ADCY5: variants seen among roughly 807,000 people sequenced by gnomAD.
The protein encoded by ADCY5 is adenylate cyclase 5.
Under a neutral mutation model 119.7 loss-of-function variants are expected in ADCY5, and 30 were observed. The ratio of observed to expected loss-of-function variants is 0.25; its 90% CI spans 0.19 to 0.34. The LOEUF is 0.34. Ranked by LOEUF, ADCY5 falls within the 10% of genes least tolerant of loss-of-function variation. The probability of loss-of-function intolerance (pLI) is 1.00; values close to 1 mark genes in which losing one functional copy is unlikely to be tolerated. For missense variants in ADCY5, 1,324 were observed against 1,775.2 expected, an observed-to-expected ratio of 0.75 and a Z score of 4.57; for synonymous variants, 753 against 762.2, an observed-to-expected ratio of 0.99 and a Z score of 0.20.
intron 12 of ADCY5, among the ~76,000 whole-genome samples, chr3:123,308,830 A>AAAAC (rs1940377690): frequency 3.5e-5 from 4 of 114,574 alleles, no homozygotes; most frequent in South Asian, 6.4e-4. Flanking sequence ...CTCTGTCTCA[A>AAAAC]AAACAAACAA....
At chr3:123,316,234 T>C (rs891545907) in intron 11 of ADCY5, among the ~76,000 whole-genome samples, 6 of 152,020 alleles carry the variant, frequency 3.9e-5, no homozygotes, top group South Asian at 2.1e-4. Context: ...CACACCCAAA[T>C]TGAAACTACA....
intron 1 of ADCY5, among the ~76,000 whole-genome samples, chr3:123,429,267 A>G (rs1420785556): frequency 6.6e-6 from 1 of 152,226 alleles, no homozygotes; most frequent in East Asian, 1.9e-4. Flanking sequence ...GCTCATTAGG[A>G]AAGTGCACAG....
chr3:123,296,254 G>A (rs753685469), intron 16 of ADCY5, 38 bp from the exon 17 acceptor site: 27 of 1,600,068 alleles, frequency 1.7e-5, no homozygotes, highest in Non-Finnish European at 2.3e-5. Context: ...GACGGCCGTG[G>A]CTCCTCACAG....
At chr3:123,376,460 C>G (rs1291668615) in intron 1 of ADCY5, among the ~76,000 whole-genome samples, 3 of 152,012 alleles carry the variant, frequency 2.0e-5, no homozygotes, top group Non-Finnish European at 4.4e-5. Flanking sequence ...CTGCCTGAGG[C>G]CCAGGGTGGT....
At chr3:123,429,153 T>G (rs1945468894) in intron 1 of ADCY5, among the ~76,000 whole-genome samples, 1 of 152,230 alleles carries the variant, frequency 6.6e-6, no homozygotes, top group African/African-American at 2.4e-5. Flanking sequence ...TGCCTATTAT[T>G]TTTAGGCTGG....
chr3:123,366,746 T>A (rs566914622), intron 1 of ADCY5, among the ~76,000 whole-genome samples: 1 of 152,290 alleles, frequency 6.6e-6, no homozygotes, highest in Admixed American at 6.5e-5. Flanking sequence ...GCCTGGGAAC[T>A]TAGGTGTGAG....
At chr3:123,369,708 A>G (rs764554453) in intron 1 of ADCY5, among the ~76,000 whole-genome samples, 7 of 152,246 alleles carry the variant, frequency 4.6e-5, no homozygotes, top group African/African-American at 7.2e-5. Flanking sequence ...GCTGCAGTGC[A>G]GCCCTTCTCC....
chr3:123,343,052 C>T (rs1942365084), intron 3 of ADCY5, among the ~76,000 whole-genome samples: 1 of 152,222 alleles, frequency 6.6e-6, no homozygotes, highest in South Asian at 2.1e-4. Flanking sequence ...TGCCTTTTAT[C>T]ACAATGATAA....
chr3:123,328,867 G>C, intron 5 of ADCY5, 65 bp from the exon 6 acceptor site: 1 of 1,520,426 alleles, frequency 6.6e-7, no homozygotes, highest in South Asian at 1.2e-5. Context: ...ATGGGGGTGA[G>C]GCTGCAGGTG....
rs1353552917 is a variant in ADCY5, at chr3:123,303,230, G to A, written c.2560-11C>T. 2 of 1,610,390 alleles carry A rather than the reference G, an allele frequency of 1.2e-6. No homozygotes were observed. The highest frequency in any genetic ancestry group is 8.5e-7 in the Non-Finnish European group (1 of 1,177,622). ...GGAGTTGCACGTGAACTGGGGGGAG[G>A]AAGGAGGGTGATGAGGGGAGGGTAA... is the stretch of plus-strand genomic sequence containing the variant. On this transcript the variant is annotated splice_polypyrimidine_tract_variant and intron_variant, in intron 13 of 20. Coordinates refer to ENST00000462833, the MANE Select transcript of ADCY5 (RefSeq NM_183357.3).
intron 13 of ADCY5, among the ~76,000 whole-genome samples, chr3:123,303,611 A>AGACCAGCCTGGC (rs1336112406): frequency 6.6e-6 from 1 of 152,122 alleles, no homozygotes; most frequent in Non-Finnish European, 1.5e-5. Context: ...CAGGAGTTTG[A>AGACCAGCCTGGC]GACCAGCCTG....
rs9881951 is a variant in ADCY5 at position 123,296,030 on chromosome 3, C to T, written c.3063+54G>A. 0.77 allele frequency: 1,235,367 copies of T among 1,599,526 alleles called. 480,324 individuals carry two copies. The highest frequency in any genetic ancestry group is 0.89 in the East Asian group (39,960 of 44,714). The stretch of plus-strand genomic sequence containing the variant: ...GCCCAGCAGACGAGCCTGTTGTCTC[C>T]GCCACCTGCTCCCAAATGCCTCCCT... On this transcript the variant is annotated intron_variant, in intron 17 of 20. Coordinates refer to ENST00000462833, the MANE Select transcript of ADCY5 (RefSeq NM_183357.3).
intron 1 of ADCY5, among the ~76,000 whole-genome samples, chr3:123,439,989 G>C (rs1365722446): frequency 6.6e-6 from 1 of 152,234 alleles, no homozygotes; most frequent in Non-Finnish European, 1.5e-5. Flanking sequence ...GCCCTGCTCA[G>C]AGTTTAGGAT....
At chr3:123,334,314 C>G (rs1446497284) in intron 3 of ADCY5, among the ~76,000 whole-genome samples, 1 of 152,138 alleles carries the variant, frequency 6.6e-6, no homozygotes, top group Non-Finnish European at 1.5e-5. Flanking sequence ...GATTCTTCCT[C>G]CAAGGTCTGT....
In ADCY5 at chr3:123,361,627, G is replaced by A. The variant is rs150175886; in HGVS notation, c.1135-9046C>T. 3.9e-3 allele frequency among the ~76,000 whole-genome samples: 590 copies of A among 152,228 alleles called. 4 individuals carry two copies. Among genetic ancestry groups the A allele is most frequent in the Non-Finnish European group, 7.0e-3 (473 of 68,030 alleles). The stretch of plus-strand genomic sequence containing the variant: ...TTTTCTCGCTTAGCATATTTTCAAG[G>A]TTCGTCCACATGGTAGCACACACAG... On this transcript the variant is annotated intron_variant, in intron 1 of 20. Transcript: ENST00000462833.
intron 3 of ADCY5, among the ~76,000 whole-genome samples, chr3:123,338,073 T>C (rs1267175287): frequency 1.3e-5 from 2 of 152,186 alleles, no homozygotes; most frequent in Non-Finnish European, 2.9e-5. Flanking sequence ...CCTCTGGTTG[T>C]GTGCCAGGAG....
chr3:123,313,002 G>T (rs970543024), intron 12 of ADCY5, among the ~76,000 whole-genome samples: 3 of 151,090 alleles, frequency 2.0e-5, no homozygotes, highest in South Asian at 2.1e-4. Context: ...AGGGTCAGTG[G>T]ACAGGCAGGG....
chr3:123,324,406 ACACACACACACACACACACACACAC>A (rs1941371371), intron 8 of ADCY5, among the ~76,000 whole-genome samples: 1 of 434 alleles, frequency 2.3e-3, no homozygotes, highest in Admixed American at 0.015. Context: ...CACAGAAACC[ACACACACACACACACACACACACAC>A]ACACACACAC....
At chr3:123,327,547 C>G (rs1941550883) in intron 7 of ADCY5, 71 bp downstream of exon 7, 1 of 1,437,562 alleles carries the variant, frequency 7.0e-7, no homozygotes, top group African/African-American at 1.4e-5. Flanking sequence ...GAGAAGGAAG[C>G]AGCAGGTCAC....
Sources: gnomAD v4.1 joint callset for allele counts (sites outside exome capture counted in the v4.1 genomes callset) on GRCh38, gnomAD v4.1.1 for gene constraint, MANE v1.5 for transcripts, NCBI Gene and HGNC (gene_info 2026-07-23, HGNC 2026-07-21) for gene names.